The following MYO9A variants were observed in gnomAD, a reference collection of about 807,000 sequenced individuals.
MYO9A encodes the protein unconventional myosin-IXa.
Under a neutral mutation model 293.3 loss-of-function variants are expected in MYO9A, and 103 were observed. The observed-to-expected ratio is 0.35, with a 90% confidence interval of 0.30 to 0.41. The LOEUF is 0.41. MYO9A is among the 10% of genes least tolerant of loss of function. The probability of loss-of-function intolerance (pLI) is 1.00; values close to 1 mark genes in which losing one functional copy is unlikely to be tolerated. For synonymous variants in MYO9A, 1,001 were observed against 1,035.7 expected, an observed-to-expected ratio of 0.97 and a Z score of 0.64; for missense variants, 2,685 against 3,033.0, an observed-to-expected ratio of 0.89 and a Z score of 2.69.
At chr15:71,969,048 C>G (rs558291479) in intron 12 of MYO9A, among the ~76,000 whole-genome samples, 4 of 152,148 alleles carry the variant, frequency 2.6e-5, no homozygotes, top group Non-Finnish European at 5.9e-5. Context: ...GTTTACATTA[C>G]GCATTCTATC....
In MYO9A at chr15:71,823,774, C is replaced by G. The variant is rs1179045091; in HGVS notation, c.*2806G>C. The G allele has an allele frequency of 6.6e-6, 1 of 152,188 alleles. No homozygotes were observed. The highest frequency in any genetic ancestry group is 1.5e-5 in the Non-Finnish European group (1 of 68,040). The allele number at this position is 152,188 out of a possible 1,614,324, so 9.4% of individuals were successfully genotyped here. A position where few individuals can be genotyped will look rare whatever the true frequency, so the allele number is the denominator to read the frequency against. On this transcript the variant is annotated 3_prime_UTR_variant, in exon 42 of 42. Transcript: ENST00000356056. ...GAATGTGTGCTGTGAGAAGAGTGCT[C>G]TGCATTTTGGAGTATGGGCTCCAAA...
intron 2 of MYO9A, chr15:72,039,942 G>A (rs1272472419): frequency 7.4e-5 from 14 of 188,000 alleles, no homozygotes; most frequent in Admixed American, 5.0e-4. Flanking sequence ...CCAGGTCCTG[G>A]GAGATGCACA....
intron 11 of MYO9A, among the ~76,000 whole-genome samples, chr15:71,979,829 GTA>G (rs2147900100): frequency 6.6e-6 from 1 of 152,292 alleles, no homozygotes; most frequent in South Asian, 2.1e-4. Context: ...AAAAACAAGA[GTA>G]TTGGGACTCC....
chr15:72,117,837 G>A lies in MYO9A; in HGVS notation c.-229C>T, dbSNP rs894134400. On this transcript the variant is annotated 5_prime_UTR_variant, in exon 1 of 42. Coordinates refer to ENST00000356056, the MANE Select transcript of MYO9A (RefSeq NM_006901.4). ...GGTGGGCCCAGCAGCCTCAGGGTCC[G>A]GGCGAGCGGCCGCGGCGCATCCCCC... The A allele has an allele frequency of 5.0e-6, 2 of 398,630 alleles. No individual in the cohort carries two copies. Among genetic ancestry groups the A allele is most frequent in the Non-Finnish European group, 8.9e-6 (2 of 225,846 alleles). 24.7% of individuals were successfully genotyped at this position (398,630 alleles called of 1,614,324 possible). A position where few individuals can be genotyped will look rare whatever the true frequency, so the allele number is the denominator to read the frequency against.
At chr15:72,064,751 A>C (rs1220832005) in intron 1 of MYO9A, among the ~76,000 whole-genome samples, 1 of 152,238 alleles carries the variant, frequency 6.6e-6, no homozygotes, top group Non-Finnish European at 1.5e-5. Flanking sequence ...TATATCCAAT[A>C]ATTTGACTTC....
chr15:71,933,755 A>C, intron 17 of MYO9A, 46 bp from the exon 18 acceptor site: 1 of 1,500,452 alleles, frequency 6.7e-7, no homozygotes. Flanking sequence ...GTATAAAAAC[A>C]AAAACAAAAG....
chr15:71,924,096 T>A (rs1420546270), intron 18 of MYO9A, among the ~76,000 whole-genome samples: 1 of 152,122 alleles, frequency 6.6e-6, no homozygotes. Context: ...AGTATCTCCT[T>A]TGACTCATTT....
intron 32 of MYO9A, among the ~76,000 whole-genome samples, chr15:71,865,505 C>T (rs1039555395): frequency 2.6e-5 from 4 of 152,018 alleles, no homozygotes; most frequent in East Asian, 1.9e-4. Flanking sequence ...TGCTACAACA[C>T]GAATGAACCT....
intron 1 of MYO9A, among the ~76,000 whole-genome samples, chr15:72,072,497 A>G (rs908474010): frequency 1.3e-5 from 2 of 152,188 alleles, no homozygotes; most frequent in African/African-American, 2.4e-5. Context: ...GGAATCAATC[A>G]TCAATGTAAG....
chr15:72,081,740 G>A (rs1018795621), intron 1 of MYO9A, among the ~76,000 whole-genome samples: 14 of 152,236 alleles, frequency 9.2e-5, no homozygotes, highest in South Asian at 4.1e-4. Flanking sequence ...GGAAGGCATC[G>A]TTTCAATCTT....
At chr15:72,007,554 T>A (rs540164902) in intron 8 of MYO9A, among the ~76,000 whole-genome samples, 3 of 152,136 alleles carry the variant, frequency 2.0e-5, no homozygotes, top group Non-Finnish European at 4.4e-5. Context: ...GAAATATTCA[T>A]CCTATCCAGC....
At chr15:72,083,869 G>A (rs1442284542) in intron 1 of MYO9A, among the ~76,000 whole-genome samples, 2 of 152,188 alleles carry the variant, frequency 1.3e-5, no homozygotes, top group Non-Finnish European at 2.9e-5. Context: ...GAGAGTGGTT[G>A]TTACGACTTC....
intron 6 of MYO9A, among the ~76,000 whole-genome samples, chr15:72,013,565 GAT>G (rs1468538864): frequency 6.6e-6 from 1 of 152,146 alleles, no homozygotes; most frequent in East Asian, 1.9e-4. Flanking sequence ...GTTTGTACTT[GAT>G]AACATGCCAC....
chr15:71,972,804 C>T (rs1011209701), intron 12 of MYO9A, among the ~76,000 whole-genome samples: 1 of 152,086 alleles, frequency 6.6e-6, no homozygotes, highest in Non-Finnish European at 1.5e-5. Context: ...TCTGGTGTGG[C>T]CACATGGTCA....
intron 15 of MYO9A, among the ~76,000 whole-genome samples, chr15:71,943,991 G>C (rs1226594351): frequency 1.3e-5 from 2 of 152,088 alleles, no homozygotes; most frequent in Non-Finnish European, 2.9e-5. Flanking sequence ...AGAGACAGTA[G>C]GAGAGCTCCA....
At chr15:72,008,472 T>TGA (rs2077080361) in intron 7 of MYO9A, among the ~76,000 whole-genome samples, 1 of 148,286 alleles carries the variant, frequency 6.7e-6, no homozygotes, top group Admixed American at 6.7e-5. Context: ...TGTGTGTGTG[T>TGA]GTGAATGGGG....
intron 39 of MYO9A, among the ~76,000 whole-genome samples, chr15:71,841,256 A>G (rs1198925242): frequency 6.6e-6 from 1 of 152,116 alleles, no homozygotes; most frequent in Admixed American, 6.5e-5. Flanking sequence ...CCTTCAAATC[A>G]ATGTCAAATA....
intron 34 of MYO9A, among the ~76,000 whole-genome samples, chr15:71,855,059 G>C (rs748455749): frequency 4.6e-5 from 7 of 152,206 alleles, no homozygotes; most frequent in African/African-American, 7.2e-5. Context: ...ACACAGATCA[G>C]CCCATGACTA....
chr15:71,911,783 G>A lies in MYO9A; in HGVS notation c.2685+4587C>T, dbSNP rs1167429347. Among the ~76,000 whole-genome samples, 3 of 152,118 alleles carry A rather than the reference G, an allele frequency of 2.0e-5. No homozygotes were observed. In the East Asian group the frequency reaches 5.8e-4, roughly 29 times the overall value. On this transcript the variant is annotated intron_variant, in intron 19 of 41. Coordinates refer to ENST00000356056, the MANE Select transcript of MYO9A (RefSeq NM_006901.4). ...AAGGCTTTACCTGCTTTGAAAGTTT[G>A]GTGGTCAAAGGGATTGACTCATTAA...
Sources: allele counts gnomAD v4.1 joint callset (sites outside exome capture counted in the v4.1 genomes callset), GRCh38; gene constraint gnomAD v4.1.1; transcripts MANE v1.5; gene names NCBI Gene and HGNC (gene_info 2026-07-23, HGNC 2026-07-21).